Variants in CHST12 observed in about 807,000 individuals in gnomAD.
CHST12 encodes the protein carbohydrate (chondroitin 4) sulfotransferase 12.
In CHST12, 23 loss-of-function variants were observed where a neutral mutation model predicts 27.9. The observed-to-expected ratio is 0.82, with a 90% CI of 0.59 to 1.17. CHST12 has a LOEUF of 1.17. Ranked by LOEUF, CHST12 falls within the 50% of genes most tolerant of loss-of-function variation. The pLI is 0.00. For synonymous variants in CHST12, 322 were observed against 273.0 expected (o/e 1.18, Z -1.77); for missense variants, 682 against 603.0 (o/e 1.13, Z -1.37).
Position 2,432,981 on chromosome 7 carries a change from C to G in CHST12, c.342C>G (p.Ser114Arg), listed in dbSNP as rs1044236800. The change falls in exon 2 of 2, where the codon AGC becomes AGG. Residue 114 changes from serine to arginine, a missense_variant. Transcript: ENST00000618655. The part of the protein sequence containing the change: ...YDWSPRDARR[S>R]PDQGRQQAER... The stretch of plus-strand genomic sequence containing the variant: ...GGTCCCCGCGCGACGCCCGGCGCAG[C>G]CCAGACCAGGGCCGGCAGCAGGCGG... The G allele has an allele frequency of 6.2e-7, 1 of 1,610,238 alleles. No individual in the cohort carries two copies. Among genetic ancestry groups the G allele is most frequent in the Non-Finnish European group, 8.5e-7 (1 of 1,178,576 alleles).
intron 1 of CHST12, among the ~76,000 whole-genome samples, chr7:2,422,430 G>C (rs903381866): frequency 9.9e-5 from 15 of 151,524 alleles, no homozygotes; most frequent in African/African-American, 3.2e-4. Flanking sequence ...TTTTAGTAGA[G>C]ACAGGGTTTC....
intron 1 of CHST12, among the ~76,000 whole-genome samples, chr7:2,413,951 A>C (rs1781736703): frequency 6.6e-6 from 1 of 151,542 alleles, no homozygotes; most frequent in Non-Finnish European, 1.5e-5. Context: ...CTGGTCTTGA[A>C]CTTCTGACCT....
At chr7:2,405,373 G>A (rs1781496137) in intron 1 of CHST12, among the ~76,000 whole-genome samples, 1 of 152,160 alleles carries the variant, frequency 6.6e-6, no homozygotes, top group African/African-American at 2.4e-5. Context: ...TGAACCTGGA[G>A]GCGGAAGTTG....
At position 2,441,165 on chromosome 7, in the gene CHST12, C is replaced by G. The variant is rs574883555; in HGVS notation, c.*7281C>G. 1.3e-5 allele frequency: 2 copies of G among 152,262 alleles called. No homozygotes were observed. Among genetic ancestry groups the G allele is most frequent in the Non-Finnish European group, 2.9e-5 (2 of 68,176 alleles). The allele number at this position is 152,262 out of a possible 1,614,324, so 9.4% of individuals were successfully genotyped here. The stretch of plus-strand genomic sequence containing the variant: ...AAGAGCAGAGCAAGAGGGAGGAGCG[C>G]GTGGAGCCCTATGTGGCCTGCGATA... On this transcript the variant is annotated 3_prime_UTR_variant, in exon 2 of 2. Coordinates refer to ENST00000618655, the MANE Select transcript of CHST12 (RefSeq NM_018641.5).
intron 1 of CHST12, among the ~76,000 whole-genome samples, chr7:2,417,139 C>T (rs1228890361): frequency 1.3e-5 from 2 of 152,052 alleles, no homozygotes; most frequent in African/African-American, 2.4e-5. Context: ...AATGGTATGA[C>T]TCCAGTCTGA....
chr7:2,430,704 G>A (rs376624015), intron 1 of CHST12, among the ~76,000 whole-genome samples: 4 of 151,730 alleles, frequency 2.6e-5, no homozygotes, highest in Admixed American at 6.6e-5. Context: ...CACCTGCCTC[G>A]GCCTCCCAAA....
chr7:2,404,689 G>A (rs779564678), intron 1 of CHST12, among the ~76,000 whole-genome samples: 13 of 152,250 alleles, frequency 8.5e-5, no homozygotes, highest in Non-Finnish European at 1.9e-4. Context: ...CAGGGGTAAT[G>A]AGGAGATTGC....
chr7:2,435,098 C>T lies in CHST12; in HGVS notation c.*1214C>T, dbSNP rs1386446279. ...GGACATGATGGTGCACACCTGTAAT[C>T]CCAGCTACTCGGGAGGCTGAGGCAG... On this transcript the variant is annotated 3_prime_UTR_variant, in exon 2 of 2. Coordinates refer to ENST00000618655, the MANE Select transcript of CHST12 (RefSeq NM_018641.5). 1 of 152,278 alleles carries T rather than the reference C, an allele frequency of 6.6e-6. No individual in the cohort carries two copies. Among genetic ancestry groups the T allele is most frequent in the Non-Finnish European group, 1.5e-5 (1 of 68,138 alleles). 9.4% of individuals were successfully genotyped at this position (152,278 alleles called of 1,614,324 possible).
rs147509719 is a variant in CHST12 at position 2,416,323 on chromosome 7, ACTC to A, written c.-78+12654_-78+12656del. On this transcript the variant is annotated intron_variant, in intron 1 of 1. Coordinates refer to ENST00000618655, the MANE Select transcript of CHST12 (RefSeq NM_018641.5). ...GTTACTTCCTGCACCGGAGTCTTGAACTCCTCAGAGTCATCCATGAGGACTGGA... is the reference window on the plus strand; with the variant it reads ...GTTACTTCCTGCACCGGAGTCTTGAACTCAGAGTCATCCATGAGGACTGGA... Among the ~76,000 whole-genome samples, 620 of 151,988 alleles carry A rather than the reference ACTC, an allele frequency of 4.1e-3. 1 individual carries two copies. The highest frequency in any genetic ancestry group is 0.014 in the African/African-American group (577 of 41,434).
rs1336860147 is a variant in CHST12, at chr7:2,435,387, C to T, written c.*1503C>T. Reference sequence around the variant, plus strand: ...AGGCTCCGTGTGACTGTCTCTGTGGCTTTCTGGTTGGTTTAGCTCCAGTGC... The same window carrying T: ...AGGCTCCGTGTGACTGTCTCTGTGGTTTTCTGGTTGGTTTAGCTCCAGTGC... On this transcript the variant is annotated 3_prime_UTR_variant, in exon 2 of 2. Coordinates refer to ENST00000618655, the MANE Select transcript of CHST12 (RefSeq NM_018641.5). 1.3e-5 allele frequency: 2 copies of T among 152,192 alleles called. No individual in the cohort carries two copies. Among genetic ancestry groups the T allele is most frequent in the Non-Finnish European group, 1.5e-5 (1 of 68,082 alleles). 9.4% of individuals were successfully genotyped at this position (152,192 alleles called of 1,614,324 possible).
At chr7:2,412,479 A>G (rs771291325) in intron 1 of CHST12, among the ~76,000 whole-genome samples, 7 of 152,246 alleles carry the variant, frequency 4.6e-5, no homozygotes, top group Non-Finnish European at 7.3e-5. Context: ...TTGTGTCAGT[A>G]GCATAAATAA....
rs1782533772 is a variant in CHST12, at chr7:2,438,769, C to CCCT, written c.*4886_*4888dup. ...CCCGTCTCTTCCGCCCTCTCCCTTA[C>CCCT]CCTAGGAGGGCTGAGTCAGGCCTCC... On this transcript the variant is annotated 3_prime_UTR_variant, in exon 2 of 2. Transcript: ENST00000618655. The CCCT allele has an allele frequency of 1.3e-5, 2 of 152,284 alleles. No homozygotes were observed. Among genetic ancestry groups the CCCT allele is most frequent in the African/African-American group, 4.8e-5 (2 of 41,450 alleles). The allele number at this position is 152,284 out of a possible 1,614,324, so 9.4% of individuals were successfully genotyped here. A position where few individuals can be genotyped will look rare whatever the true frequency, so the allele number is the denominator to read the frequency against.
At chr7:2,416,145 A>G (rs1781802287) in intron 1 of CHST12, among the ~76,000 whole-genome samples, 1 of 152,256 alleles carries the variant, frequency 6.6e-6, no homozygotes, top group African/African-American at 2.4e-5. Flanking sequence ...CTTTACCCAG[A>G]GTAGATTCCT....
chr7:2,436,471 A>C lies in CHST12; in HGVS notation c.*2587A>C, dbSNP rs934865460. ...CTAACTTCCTTTCTGAGGCGGAATA[A>C]TGTCCCATTGTGTGGAAGAGGCATG... On this transcript the variant is annotated 3_prime_UTR_variant, in exon 2 of 2. Coordinates refer to ENST00000618655, the MANE Select transcript of CHST12 (RefSeq NM_018641.5). The C allele has an allele frequency of 1.3e-5, 2 of 152,262 alleles. No homozygotes were observed. Among genetic ancestry groups the C allele is most frequent in the Non-Finnish European group, 2.9e-5 (2 of 68,074 alleles). The allele number at this position is 152,262 out of a possible 1,614,324, so 9.4% of individuals were successfully genotyped here.
At chr7:2,409,575 C>T (rs896928181) in intron 1 of CHST12, among the ~76,000 whole-genome samples, 22 of 151,178 alleles carry the variant, frequency 1.5e-4, no homozygotes, top group Non-Finnish European at 2.7e-4. Context: ...TGAGATCGAG[C>T]CATCACACTC....
intron 1 of CHST12, among the ~76,000 whole-genome samples, chr7:2,413,167 G>A (rs1380336125): frequency 6.6e-6 from 1 of 152,148 alleles, no homozygotes; most frequent in Non-Finnish European, 1.5e-5. Flanking sequence ...AAAATGACTT[G>A]GCCCAGGCCA....
At chr7:2,412,160 C>T (rs996076029) in intron 1 of CHST12, among the ~76,000 whole-genome samples, 19 of 152,136 alleles carry the variant, frequency 1.2e-4, no homozygotes, top group Non-Finnish European at 2.4e-4. Context: ...TCAATGTGAC[C>T]GTTAATTACA....
intron 1 of CHST12, among the ~76,000 whole-genome samples, chr7:2,422,473 G>C (rs1332325012): frequency 6.6e-6 from 1 of 151,996 alleles, no homozygotes; most frequent in East Asian, 1.9e-4. Context: ...TCGAACTCCT[G>C]ACCTCAGGTG....
At chr7:2,411,596 G>T (rs1259676106) in intron 1 of CHST12, among the ~76,000 whole-genome samples, 2 of 132,064 alleles carry the variant, frequency 1.5e-5, no homozygotes, top group African/African-American at 5.7e-5. Context: ...TCAAGCAATT[G>T]TCTCTGCCTC....
Sources: gnomAD v4.1 joint callset for allele counts (sites outside exome capture counted in the v4.1 genomes callset) on GRCh38, gnomAD v4.1.1 for gene constraint, MANE v1.5 for transcripts, NCBI Gene and HGNC (gene_info 2026-07-23, HGNC 2026-07-21) for gene names.